FKBP5: variants seen among roughly 807,000 people sequenced by gnomAD.
FKBP5 encodes the protein peptidyl-prolyl cis-trans isomerase FKBP5.
In FKBP5, 23 loss-of-function variants were observed where a neutral mutation model predicts 50.5. The observed-to-expected ratio is 0.46, with a 90% CI of 0.33 to 0.65. The LOEUF is 0.65. Ranked by LOEUF, FKBP5 falls within the 30% of genes least tolerant of loss-of-function variation. The probability of loss-of-function intolerance (pLI) is 0.02; values close to 1 mark genes in which losing one functional copy is unlikely to be tolerated. For synonymous variants in FKBP5, 176 were observed against 190.6 expected, an observed-to-expected ratio of 0.92 and a Z score of 0.63; for missense variants, 411 against 553.1, an observed-to-expected ratio of 0.74 and a Z score of 2.58.
chr6:35,711,317 GAA>G (rs56377841), intron 2 of FKBP5, among the ~76,000 whole-genome samples: 4,067 of 132,830 alleles, frequency 0.031, 72 homozygotes, highest in East Asian at 0.044. Flanking sequence ...TGTCTCAAAA[GAA>G]AAAAAAAAAA....
At chr6:35,671,094 T>A (rs2151004577) in intron 1 of FKBP5, among the ~76,000 whole-genome samples, 1 of 151,894 alleles carries the variant, frequency 6.6e-6, no homozygotes, top group East Asian at 1.9e-4. Context: ...CCAAACCCTG[T>A]CTCCACAAAA....
chr6:35,676,966 G>A (rs1765536836), intron 1 of FKBP5, among the ~76,000 whole-genome samples: 1 of 152,210 alleles, frequency 6.6e-6, no homozygotes. Context: ...CTAAGCTCAA[G>A]CTCCTAGCTT....
intron 2 of FKBP5, among the ~76,000 whole-genome samples, chr6:35,701,219 G>GT (rs1243273680): frequency 1.2e-4 from 11 of 92,950 alleles, no homozygotes; most frequent in Non-Finnish European, 6.3e-5. Context: ...TTGTTTGTTT[G>GT]TTTGTTTGTT....
At chr6:35,638,903 T>C (rs1764399698) in intron 2 of FKBP5, among the ~76,000 whole-genome samples, 1 of 152,158 alleles carries the variant, frequency 6.6e-6, no homozygotes, top group Non-Finnish European at 1.5e-5. Context: ...GAATCTGCAT[T>C]TCTAGGACTA....
intron 4 of FKBP5, 65 bp downstream of exon 4, chr6:35,620,067 G>T: frequency 6.3e-7 from 1 of 1,591,862 alleles, no homozygotes; most frequent in Non-Finnish European, 8.6e-7. Context: ...CCCACTGCCT[G>T]TTGCTTCAAA....
intron 1 of FKBP5, among the ~76,000 whole-genome samples, chr6:35,643,456 T>C (rs58549426): frequency 0.023 from 3,542 of 152,322 alleles, 92 homozygotes; most frequent in African/African-American, 0.055. Flanking sequence ...ATCATCATTA[T>C]TGGGCCTTCT....
intron 1 of FKBP5, among the ~76,000 whole-genome samples, chr6:35,685,847 T>C (rs1765808184): frequency 6.6e-6 from 1 of 152,022 alleles, no homozygotes; most frequent in Admixed American, 6.6e-5. Flanking sequence ...CCGGACATGG[T>C]GGCGCAGGCC....
chr6:35,610,963 G>A (rs1035628699), intron 5 of FKBP5, among the ~76,000 whole-genome samples: 31 of 152,094 alleles, frequency 2.0e-4, no homozygotes, highest in African/African-American at 6.8e-4. Context: ...TACTGGCCCC[G>A]CTGTTCCATC....
intron 2 of FKBP5, among the ~76,000 whole-genome samples, chr6:35,706,135 T>A (rs941841134): frequency 2.0e-5 from 3 of 146,682 alleles, no homozygotes; most frequent in East Asian, 4.1e-4. Flanking sequence ...TAGAAATACA[T>A]AAGAGGGGCC....
upstream of FKBP5, among the ~76,000 whole-genome samples, chr6:35,689,314 G>A (rs889214447): frequency 6.6e-6 from 1 of 152,182 alleles, no homozygotes; most frequent in South Asian, 2.1e-4. Context: ...CCTACCTAGA[G>A]GCCGGAGAGG....
chr6:35,723,511 G>A (rs1344318966), intron 1 of FKBP5, among the ~76,000 whole-genome samples: 1 of 152,060 alleles, frequency 6.6e-6, no homozygotes, highest in Non-Finnish European at 1.5e-5. Flanking sequence ...AAGGGATCTT[G>A]GGAAAATTCC....
At chr6:35,709,185 G>A (rs1407785360) in intron 2 of FKBP5, among the ~76,000 whole-genome samples, 3 of 152,184 alleles carry the variant, frequency 2.0e-5, no homozygotes, top group South Asian at 2.1e-4. Flanking sequence ...CACATCTTAC[G>A]TGGATATTGG....
At chr6:35,604,726 C>T (rs1052769173) in intron 5 of FKBP5, among the ~76,000 whole-genome samples, 8 of 151,976 alleles carry the variant, frequency 5.3e-5, no homozygotes, top group Non-Finnish European at 1.0e-4. Flanking sequence ...TGACTTTATC[C>T]CATTCATATT....
chr6:35,722,580 C>A (rs1007421189), intron 1 of FKBP5, among the ~76,000 whole-genome samples: 7 of 152,196 alleles, frequency 4.6e-5, no homozygotes, highest in Non-Finnish European at 8.8e-5. Flanking sequence ...CCTCTGGCCT[C>A]ATCTCCCCGG....
intron 5 of FKBP5, among the ~76,000 whole-genome samples, chr6:35,615,604 T>C (rs1300578669): frequency 6.6e-6 from 1 of 152,082 alleles, no homozygotes; most frequent in East Asian, 1.9e-4. Flanking sequence ...CATAATGATA[T>C]AAATAAACTG....
intron 2 of FKBP5, among the ~76,000 whole-genome samples, chr6:35,710,409 G>C (rs930263760): frequency 1.3e-5 from 2 of 152,062 alleles, no homozygotes; most frequent in Admixed American, 1.3e-4. Context: ...TGAGGCTATA[G>C]TGAGTCATGA....
chr6:35,723,271 AAAAT>A (rs1325598417), intron 1 of FKBP5, among the ~76,000 whole-genome samples: 1 of 151,954 alleles, frequency 6.6e-6, no homozygotes, highest in East Asian at 1.9e-4. Context: ...AATTAAAATA[AAAAT>A]AAATAAATAA....
At chr6:35,599,067 G>A (rs909579054) in intron 5 of FKBP5, among the ~76,000 whole-genome samples, 1 of 151,020 alleles carries the variant, frequency 6.6e-6, no homozygotes, top group South Asian at 2.1e-4. Context: ...TTCAAATCTA[G>A]AGATTTCCTA....
intron 8 of FKBP5, chr6:35,586,402 A>T (rs1762600049): frequency 1.0e-6 from 1 of 985,138 alleles, no homozygotes; most frequent in South Asian, 4.7e-5. Context: ...CTCTCCTGTC[A>T]GTTTGTTTTG....
Sources: allele counts gnomAD v4.1 joint callset (sites outside exome capture counted in the v4.1 genomes callset), GRCh38; gene constraint gnomAD v4.1.1; transcripts MANE v1.5; gene names NCBI Gene and HGNC (gene_info 2026-07-23, HGNC 2026-07-21).